The following PARN variants were observed in gnomAD, a reference collection of about 807,000 sequenced individuals.
PARN encodes poly(A)-specific ribonuclease.
Under a neutral mutation model 102.8 loss-of-function variants are expected in PARN, and 71 were observed. The ratio of observed to expected loss-of-function variants is 0.69; its 90% CI spans 0.57 to 0.84. The LOEUF (loss-of-function observed/expected upper bound fraction) is 0.84, where lower values mean the gene tolerates loss of function less well. PARN is among the 40% of genes least tolerant of loss of function. The pLI, the probability that PARN is intolerant of heterozygous loss-of-function variation, is 0.00. For synonymous variants in PARN, 261 were observed against 252.9 expected, an observed-to-expected ratio of 1.03 and a Z score of -0.30; for missense variants, 782 against 760.9, an observed-to-expected ratio of 1.03 and a Z score of -0.33.
intron 6 of PARN, among the ~76,000 whole-genome samples, chr16:14,616,007 G>A (rs566115414): frequency 2.7e-5 from 4 of 150,576 alleles, no homozygotes; most frequent in Non-Finnish European, 5.9e-5. Context: ...ACTTTTTTTT[G>A]AGAAAAGTTC....
intron 21 of PARN, chr16:14,501,462 A>AAAAAAAAAAAAC (rs1964609249): frequency 7.6e-6 from 1 of 131,364 alleles, no homozygotes; most frequent in African/African-American, 2.7e-5. Flanking sequence ...AAAAAAAAAC[A>AAAAAAAAAAAAC]GAAAGAAAAA....
intron 21 of PARN, among the ~76,000 whole-genome samples, chr16:14,515,960 T>C (rs917233838): frequency 3.3e-5 from 5 of 151,900 alleles, no homozygotes; most frequent in South Asian, 2.1e-4. Context: ...AGTAAATTGA[T>C]AGATAGACAG....
intron 21 of PARN, among the ~76,000 whole-genome samples, 181 bp from the exon 22 acceptor site, chr16:14,483,008 G>A (rs1963468894): frequency 6.6e-6 from 1 of 151,708 alleles, no homozygotes; most frequent in Admixed American, 6.6e-5. Context: ...CTCCAAGTCT[G>A]AGTTTTCTCA....
chr16:14,513,094 T>C (rs1336482637), intron 21 of PARN, among the ~76,000 whole-genome samples: 2 of 152,028 alleles, frequency 1.3e-5, no homozygotes, highest in Admixed American at 1.3e-4. Flanking sequence ...CTGACTAGTT[T>C]TTGTATTTTT....
intron 21 of PARN, among the ~76,000 whole-genome samples, chr16:14,490,063 C>T (rs551188371): frequency 3.3e-5 from 5 of 152,114 alleles, no homozygotes; most frequent in African/African-American, 1.2e-4. Context: ...AGGGGTGAGG[C>T]TGGAGGATTG....
chr16:14,551,975 C>A (rs748242081), intron 21 of PARN, 46 bp downstream of exon 21: 3 of 1,305,160 alleles, frequency 2.3e-6, no homozygotes, highest in Non-Finnish European at 2.2e-6. Flanking sequence ...GGGAGGGCAA[C>A]CTCTCACTGT....
chr16:14,619,767 T>G (rs1972174091), intron 5 of PARN, among the ~76,000 whole-genome samples: 1 of 150,598 alleles, frequency 6.6e-6, no homozygotes, highest in Non-Finnish European at 1.5e-5. Context: ...AGTCTCTGCC[T>G]CTTAAAAAAA....
chr16:14,628,132 A>G (rs1418439233), intron 3 of PARN, 40 bp downstream of exon 3: 1 of 1,133,304 alleles, frequency 8.8e-7, no homozygotes, highest in Non-Finnish European at 1.3e-6. Context: ...AAGGAAGACT[A>G]ACATGAGAAA....
At chr16:14,482,563 C>T in intron 22 of PARN, 75 bp downstream of exon 22, 1 of 1,199,826 alleles carries the variant, frequency 8.3e-7, no homozygotes, top group East Asian at 2.4e-5. Context: ...TTAGTACTTA[C>T]AAACCTATGA....
chr16:14,540,848 G>A (rs893888005), intron 21 of PARN, among the ~76,000 whole-genome samples: 2 of 152,180 alleles, frequency 1.3e-5, no homozygotes, highest in African/African-American at 4.8e-5. Flanking sequence ...CTACTCAGGA[G>A]GCTGAGGCAG....
intron 22 of PARN, among the ~76,000 whole-genome samples, chr16:14,460,792 C>G (rs539833174): frequency 3.3e-5 from 5 of 152,220 alleles, no homozygotes; most frequent in African/African-American, 1.2e-4. Context: ...AAATAAGAGA[C>G]AAATCTCTTG....
intron 13 of PARN, among the ~76,000 whole-genome samples, chr16:14,586,676 G>T (rs1426852117): frequency 1.3e-5 from 2 of 152,130 alleles, no homozygotes; most frequent in African/African-American, 2.4e-5. Flanking sequence ...TATTTGAGAG[G>T]CCTGTAATAA....
At chr16:14,624,030 C>A (rs1022256093) in intron 5 of PARN, among the ~76,000 whole-genome samples, 9 of 152,192 alleles carry the variant, frequency 5.9e-5, no homozygotes, top group African/African-American at 2.2e-4. Context: ...GACTGCCCTA[C>A]TATTCTACAA....
At chr16:14,576,621 C>T (rs1969160346) in intron 18 of PARN, among the ~76,000 whole-genome samples, 1 of 152,162 alleles carries the variant, frequency 6.6e-6, no homozygotes, top group African/African-American at 2.4e-5. Flanking sequence ...GTTTTCAATG[C>T]ATTGATTAAA....
At chr16:14,572,058 A>T (rs1040853683) in intron 18 of PARN, among the ~76,000 whole-genome samples, 1 of 152,242 alleles carries the variant, frequency 6.6e-6, no homozygotes. Flanking sequence ...GGAAGCTGGA[A>T]GTCCCATGGA....
At chr16:14,476,114 T>TA (rs1170670785) in intron 22 of PARN, among the ~76,000 whole-genome samples, 1 of 152,172 alleles carries the variant, frequency 6.6e-6, no homozygotes, top group East Asian at 1.9e-4. Context: ...ATTATAATCT[T>TA]AGAGTAGTGC....
chr16:14,436,871 C>A (rs1301662574), intron 23 of PARN, 99 bp from the exon 24 acceptor site: 1 of 852,334 alleles, frequency 1.2e-6, no homozygotes, highest in East Asian at 2.6e-5. Context: ...CCTGTGACGG[C>A]TGCAGACGGG....
rs1446624102 is a variant in PARN, at chr16:14,580,901, G to A, written c.1235C>T (p.Ser412Leu). 5 of 1,609,418 alleles carry A rather than the reference G, an allele frequency of 3.1e-6. No homozygotes were observed. In the South Asian group the frequency reaches 5.5e-5, roughly 18 times the overall value. ...GTTAAAAAAAGGTTCAATGAGTTTTGATCTGGCAGACACATGAATTTTTGG... is the reference window on the plus strand; with the variant it reads ...GTTAAAAAAAGGTTCAATGAGTTTTAATCTGGCAGACACATGAATTTTTGG... ...SPPKIHVSARSKLIEPFFNKL... is the reference protein window; with the variant it reads ...SPPKIHVSARLKLIEPFFNKL... Residue 412 changes from serine (S) to leucine (L), a missense_variant, in exon 18 of 24, where the codon TCA (serine) becomes TTA (leucine). By Grantham distance (145) the Ser-to-Leu change is moderately radical (BLOSUM62 -2). Coordinates refer to ENST00000437198, the MANE Select transcript of PARN (RefSeq NM_002582.4).
intron 21 of PARN, among the ~76,000 whole-genome samples, chr16:14,512,095 C>T (rs1965217042): frequency 6.6e-6 from 1 of 152,170 alleles, no homozygotes; most frequent in Non-Finnish European, 1.5e-5. Context: ...GTTAAAAAGG[C>T]ATTGTGTACA....
Sources: gnomAD v4.1 joint callset for allele counts (sites outside exome capture counted in the v4.1 genomes callset) on GRCh38, gnomAD v4.1.1 for gene constraint, MANE v1.5 for transcripts, NCBI Gene and HGNC (gene_info 2026-07-23, HGNC 2026-07-21) for gene names.